LRFN5: variants seen among roughly 807,000 people sequenced by gnomAD.
LRFN5 encodes leucine-rich repeat and fibronectin type-III domain-containing protein 5.
A neutral mutation model predicts 45.6 loss-of-function variants in LRFN5; 24 were observed. That is an observed-to-expected ratio of 0.53 (90% CI 0.38 to 0.74). The LOEUF is 0.74. Among genes scored for constraint, LRFN5 ranks in the 30% least tolerant of loss-of-function variants. The pLI, the probability that LRFN5 is intolerant of heterozygous loss-of-function variation, is 0.00. For missense variants in LRFN5, 776 were observed against 861.5 expected (o/e 0.90, Z 1.24); for synonymous variants, 340 against 313.8 (o/e 1.08, Z -0.88).
At chr14:41,691,649 T>C (rs1169868006) in intron 1 of LRFN5, among the ~76,000 whole-genome samples, 1 of 152,096 alleles carries the variant, frequency 6.6e-6, no homozygotes. Flanking sequence ...AGATCTTAAA[T>C]GATGAGTTTG....
At chr14:41,658,981 T>C (rs1388112725) in intron 1 of LRFN5, among the ~76,000 whole-genome samples, 2 of 151,964 alleles carry the variant, frequency 1.3e-5, no homozygotes, top group Non-Finnish European at 2.9e-5. Context: ...TACCGTGTTT[T>C]CTTTTTTTCT....
intron 2 of LRFN5, among the ~76,000 whole-genome samples, chr14:41,876,918 A>C (rs1890207258): frequency 6.6e-6 from 1 of 152,146 alleles, no homozygotes; most frequent in South Asian, 2.1e-4. Context: ...TTAAAATGTA[A>C]TTTAATTGTA....
At chr14:41,779,870 G>T (rs1886420972) in intron 2 of LRFN5, among the ~76,000 whole-genome samples, 1 of 151,476 alleles carries the variant, frequency 6.6e-6, no homozygotes, top group South Asian at 2.1e-4. Flanking sequence ...TTCTTTTCTT[G>T]GTTAGTCTGG....
At chr14:41,731,704 T>C (rs1273167662) in intron 1 of LRFN5, 1 of 152,144 alleles carries the variant, frequency 6.6e-6, no homozygotes, top group East Asian at 1.9e-4. Flanking sequence ...GCCAGAAAAA[T>C]ATTTGAAAAA....
intron 4 of LRFN5, chr14:41,893,371 T>G (rs1594503564): frequency 1.1e-6 from 1 of 933,402 alleles, no homozygotes; most frequent in Non-Finnish European, 1.3e-6. Flanking sequence ...CTATAAACAG[T>G]TACCATCAAA....
At chr14:41,787,540 G>GA (rs562577827) in intron 2 of LRFN5, among the ~76,000 whole-genome samples, 85 of 150,800 alleles carry the variant, frequency 5.6e-4, no homozygotes, top group African/African-American at 1.8e-3. Flanking sequence ...TTAAAAAATG[G>GA]AAAAAAATAT....
intron 1 of LRFN5, among the ~76,000 whole-genome samples, chr14:41,623,225 C>T (rs1440185182): frequency 6.6e-6 from 1 of 152,082 alleles, no homozygotes; most frequent in East Asian, 1.9e-4. Flanking sequence ...AATTAACCTC[C>T]TGTGGTGATA....
chr14:41,776,581 A>G (rs986621822), intron 2 of LRFN5, among the ~76,000 whole-genome samples: 12 of 152,140 alleles, frequency 7.9e-5, no homozygotes, highest in African/African-American at 2.9e-4. Context: ...ACTTGTCTTT[A>G]ATTTAAAGGG....
At chr14:41,842,572 A>G (rs1205832036) in intron 2 of LRFN5, among the ~76,000 whole-genome samples, 1 of 152,136 alleles carries the variant, frequency 6.6e-6, no homozygotes, top group Admixed American at 6.6e-5. Context: ...ATGGGCTTAT[A>G]TGGATTATAA....
chr14:41,811,782 A>C (rs1887744907), intron 2 of LRFN5, among the ~76,000 whole-genome samples: 2 of 152,038 alleles, frequency 1.3e-5, no homozygotes, highest in Non-Finnish European at 2.9e-5. Flanking sequence ...TGGGAGAAGT[A>C]GGGAGTGAGT....
At chr14:41,898,848 A>G in intron 4 of LRFN5, 69 bp from the exon 5 acceptor site, 1 of 1,377,768 alleles carries the variant, frequency 7.3e-7, no homozygotes, top group Non-Finnish European at 1.0e-6. Context: ...AGATTTCAGT[A>G]AGAGGTTTTT....
intron 1 of LRFN5, among the ~76,000 whole-genome samples, chr14:41,728,213 G>A (rs560237747): frequency 3.0e-4 from 45 of 152,114 alleles, no homozygotes; most frequent in Admixed American, 2.0e-4. Context: ...AAAAGCACAC[G>A]CAAACAAATT....
intron 2 of LRFN5, among the ~76,000 whole-genome samples, chr14:41,826,573 A>G (rs1299484977): frequency 1.3e-5 from 2 of 152,154 alleles, no homozygotes; most frequent in African/African-American, 4.8e-5. Flanking sequence ...TGTTGGTCCA[A>G]TATATACTCA....
chr14:41,777,153 C>A (rs1886322140), intron 2 of LRFN5, among the ~76,000 whole-genome samples: 1 of 151,844 alleles, frequency 6.6e-6, no homozygotes, highest in African/African-American at 2.4e-5. Flanking sequence ...CATTTCTCTT[C>A]AAAATTGCCT....
intron 1 of LRFN5, among the ~76,000 whole-genome samples, chr14:41,674,051 TG>T (rs1881428386): frequency 7.3e-6 from 1 of 137,700 alleles, no homozygotes; most frequent in Non-Finnish European, 1.6e-5. Context: ...ACTTCTCAGA[TG>T]GGGCGGCTGG....
intron 1 of LRFN5, among the ~76,000 whole-genome samples, chr14:41,747,275 T>C (rs942190635): frequency 4.6e-5 from 7 of 151,982 alleles, no homozygotes; most frequent in East Asian, 1.9e-4. Flanking sequence ...TACTTCCTGA[T>C]TGCAAAACTT....
At chr14:41,855,148 G>T (rs1314986824) in intron 2 of LRFN5, among the ~76,000 whole-genome samples, 1 of 152,162 alleles carries the variant, frequency 6.6e-6, no homozygotes, top group African/African-American at 2.4e-5. Flanking sequence ...AATCCAGATG[G>T]ATGTAGCAGG....
chr14:41,741,695 G>T (rs996190237), intron 1 of LRFN5, among the ~76,000 whole-genome samples: 2 of 151,412 alleles, frequency 1.3e-5, no homozygotes, highest in African/African-American at 2.4e-5. Flanking sequence ...ATAGACAGAG[G>T]ATATTGCATC....
chr14:41,791,089 G>A (rs575058876), intron 2 of LRFN5, among the ~76,000 whole-genome samples: 2 of 151,838 alleles, frequency 1.3e-5, no homozygotes, highest in South Asian at 4.2e-4. Flanking sequence ...ATTAAAGATG[G>A]TATTGACTTT....
Sources: allele counts gnomAD v4.1 joint callset (sites outside exome capture counted in the v4.1 genomes callset), GRCh38; gene constraint gnomAD v4.1.1; transcripts MANE v1.5; gene names NCBI Gene and HGNC (gene_info 2026-07-23, HGNC 2026-07-21).